The following DNAH14 variants were observed in gnomAD, a reference collection of about 807,000 sequenced individuals.
The protein encoded by DNAH14 is axonemal beta dynein heavy chain 14.
DNAH14 carries 478 observed loss-of-function variants against 520.9 expected under a neutral mutation model. That is an observed-to-expected ratio of 0.92 (90% CI 0.85 to 0.99). The LOEUF (loss-of-function observed/expected upper bound fraction) is 0.99. Among genes scored for constraint, DNAH14 ranks in the 50% least tolerant of loss-of-function variants. The pLI is 0.00. For synonymous variants in DNAH14, 1,581 were observed against 1,757.2 expected, an observed-to-expected ratio of 0.90 and a Z score of 2.51; for missense variants, 4,831 against 5,234.5, an observed-to-expected ratio of 0.92 and a Z score of 2.38.
Position 225,188,446 on chromosome 1 carries a change from AC to A in DNAH14, c.5670+3022del, listed in dbSNP as rs2085005203. 2.0e-5 allele frequency among the ~76,000 whole-genome samples: 3 copies of A among 152,054 alleles called. No homozygotes were observed. In the South Asian group the frequency reaches 6.2e-4, roughly 31 times the overall value. ...TTAATTGTTCTATTAATTATTGTTA[AC>A]ATCTTACTGTGCCTAATTTCTAAAA... On this transcript the variant is annotated intron_variant, in intron 37 of 85. Transcript: ENST00000682510.
At position 225,153,745 on chromosome 1, in the gene DNAH14, G is replaced by A; in HGVS notation, c.5197-5G>A. On this transcript the variant is annotated splice_polypyrimidine_tract_variant and splice_region_variant and intron_variant, in intron 33 of 85. Coordinates refer to ENST00000682510, the MANE Select transcript of DNAH14 (RefSeq NM_001367479.1). ...TAATAATTCAAATATTTTAATGTTT[G>A]ATAGGATCATTATAATTTTGGCTTG... is the stretch of plus-strand genomic sequence containing the variant. 2.0e-6 allele frequency: 3 copies of A among 1,532,220 alleles called. No homozygotes were observed. The highest frequency in any genetic ancestry group is 2.7e-6 in the Non-Finnish European group (3 of 1,131,834). The allele number at this position is 1,532,220 out of a possible 1,614,324, so 94.9% of individuals were successfully genotyped here. A position where few individuals can be genotyped will look rare whatever the true frequency, so the allele number is the denominator to read the frequency against.
At chr1:225,100,463 T>A (rs1018367701) in intron 22 of DNAH14, among the ~76,000 whole-genome samples, 2 of 152,178 alleles carry the variant, frequency 1.3e-5, no homozygotes, top group African/African-American at 4.8e-5. Flanking sequence ...TTTCTATACA[T>A]CTGTCTTCCA....
At chr1:225,016,888 A>G (rs536374613) in intron 10 of DNAH14, among the ~76,000 whole-genome samples, 41 of 151,340 alleles carry the variant, frequency 2.7e-4, no homozygotes, top group Non-Finnish European at 3.7e-4. Context: ...TAGGATTTCT[A>G]TTTGGTTCTT....
Position 225,002,849 on chromosome 1 carries a change from A to G in DNAH14, c.897A>G (p.Arg299=). 1 of 1,549,792 alleles carries G rather than the reference A, an allele frequency of 6.5e-7. No homozygotes were observed. The highest frequency in any genetic ancestry group is 8.7e-7 in the Non-Finnish European group (1 of 1,145,860). ...DLFQTCLVYI[R]GLCEDAINLK... ...TTCAAACCTGTTTGGTTTATATAAG[A>G]GGACTTTGTGAAGATGCAATTAATC... is the stretch of plus-strand genomic sequence containing the variant. Residue 299 remains arginine, a synonymous_variant, in exon 9 of 86, where the codon AGA becomes AGG. Transcript: ENST00000682510.
chr1:225,186,120 TCAGACTC>T (rs1162688438), intron 37 of DNAH14, among the ~76,000 whole-genome samples: 3 of 151,956 alleles, frequency 2.0e-5, no homozygotes, highest in Admixed American at 2.0e-4. Context: ...CAATATAAAG[TCAGACTC>T]CACTAAATAA....
At chr1:224,969,606 GA>G in intron 7 of DNAH14, 2 of 248,808 alleles carry the variant, frequency 8.0e-6, no homozygotes, top group Non-Finnish European at 1.5e-5. Context: ...GGAGGTGGAG[GA>G]AAAGTAGAGG....
At chr1:225,122,373 C>T (rs1026055772) in intron 26 of DNAH14, among the ~76,000 whole-genome samples, 3 of 152,162 alleles carry the variant, frequency 2.0e-5, no homozygotes, top group East Asian at 1.9e-4. Flanking sequence ...CTGTGAGTAA[C>T]TTGCCTTTTA....
At chr1:225,275,689 A>G (rs560610322) in intron 52 of DNAH14, among the ~76,000 whole-genome samples, 1 of 152,316 alleles carries the variant, frequency 6.6e-6, no homozygotes, top group Non-Finnish European at 1.5e-5. Context: ...GGTAACCCTT[A>G]TATTTTGATA....
intron 27 of DNAH14, among the ~76,000 whole-genome samples, chr1:225,136,672 A>C (rs945817099): frequency 1.3e-5 from 2 of 152,186 alleles, no homozygotes; most frequent in East Asian, 3.9e-4. Flanking sequence ...GGTTCTCTGC[A>C]GTTTCTGAAT....
At chr1:225,015,313 A>G (rs769452556) in intron 10 of DNAH14, among the ~76,000 whole-genome samples, 1 of 152,314 alleles carries the variant, frequency 6.6e-6, no homozygotes, top group South Asian at 2.1e-4. Context: ...TTGATAGATG[A>G]GGACTTACTC....
chr1:225,283,121 C>G (rs1466290675), intron 54 of DNAH14, among the ~76,000 whole-genome samples: 3 of 150,048 alleles, frequency 2.0e-5, no homozygotes, highest in African/African-American at 4.9e-5. Context: ...TTATTTAACA[C>G]AAAAGAATGG....
intron 41 of DNAH14, among the ~76,000 whole-genome samples, chr1:225,224,374 C>T (rs2149525765): frequency 6.6e-6 from 1 of 151,816 alleles, no homozygotes; most frequent in Middle Eastern, 3.4e-3. Flanking sequence ...ACAGATAGCC[C>T]CCAGGCTGCA....
intron 84 of DNAH14, among the ~76,000 whole-genome samples, chr1:225,393,949 G>T (rs1295791023): frequency 6.6e-6 from 1 of 151,672 alleles, no homozygotes; most frequent in Non-Finnish European, 1.5e-5. Context: ...CTCCCAAGCA[G>T]CTGGGACTAC....
chr1:225,216,996 T>C (rs550366896), intron 41 of DNAH14, among the ~76,000 whole-genome samples: 14 of 152,322 alleles, frequency 9.2e-5, no homozygotes, highest in Admixed American at 2.6e-4. Flanking sequence ...TTTAGAATTT[T>C]CAGCTTTTCT....
At position 225,027,311 on chromosome 1, in the gene DNAH14, C is replaced by T. The variant is rs1024758066; in HGVS notation, c.1358+3446C>T. ...CAGTGTTGATTAGGAATGGTGAAAG[C>T]GAACATCCCTGTCTTGTTCCAGAGC... On this transcript the variant is annotated intron_variant, in intron 11 of 85. Transcript: ENST00000682510. Among the ~76,000 whole-genome samples the T allele has an allele frequency of 5.3e-5, 8 of 152,170 alleles. No homozygotes were observed. In the South Asian group the frequency reaches 1.0e-3, roughly 20 times the overall value.
At chr1:225,027,523 CTA>C (rs1424718469) in intron 11 of DNAH14, among the ~76,000 whole-genome samples, 1 of 152,070 alleles carries the variant, frequency 6.6e-6, no homozygotes, top group Non-Finnish European at 1.5e-5. Context: ...GTTCCACAGT[CTA>C]TACAGGAAGC....
rs2089079659 is a variant in DNAH14, at chr1:225,215,020, T to G, written c.6439+7800T>G. Among the ~76,000 whole-genome samples the G allele has an allele frequency of 2.6e-5, 4 of 152,368 alleles. No homozygotes were observed. In the South Asian group the frequency reaches 8.3e-4, roughly 32 times the overall value. On this transcript the variant is annotated intron_variant, in intron 41 of 85. Coordinates refer to ENST00000682510, the MANE Select transcript of DNAH14 (RefSeq NM_001367479.1). Reference sequence around the variant, plus strand: ...ATGTTAGGGTGTCAATTTTAGATCCTTCCTGCTTTCTCTTGTGGTCATTTA... The same window carrying G: ...ATGTTAGGGTGTCAATTTTAGATCCGTCCTGCTTTCTCTTGTGGTCATTTA...
intron 21 of DNAH14, among the ~76,000 whole-genome samples, chr1:225,091,671 A>T (rs561385466): frequency 6.6e-6 from 1 of 152,122 alleles, no homozygotes; most frequent in Non-Finnish European, 1.5e-5. Flanking sequence ...CAACTACACA[A>T]TCAAGTCTGA....
chr1:224,991,084 C>CATTTTTTTTTTTTTTTTTTTTTTTTT (rs1558617220), intron 8 of DNAH14, among the ~76,000 whole-genome samples: 1 of 77,900 alleles, frequency 1.3e-5, no homozygotes, highest in African/African-American at 4.3e-5. Flanking sequence ...TGATGTTGAG[C>CATTTTTTTTTTTTTTTTTTTTTTTTT]TTTTTTTTTT....
Sources: allele counts gnomAD v4.1 joint callset (sites outside exome capture counted in the v4.1 genomes callset), GRCh38; gene constraint gnomAD v4.1.1; transcripts MANE v1.5; gene names NCBI Gene and HGNC (gene_info 2026-07-23, HGNC 2026-07-21).